Variants in SLC25A31 observed in about 807,000 individuals in gnomAD.
SLC25A31 encodes the protein ADP/ATP translocase 4.
In SLC25A31, 40 loss-of-function variants were observed where a neutral mutation model predicts 36.2. The observed-to-expected ratio is 1.10, with a 90% CI of 0.86 to 1.44. The LOEUF (loss-of-function observed/expected upper bound fraction) is 1.44. Among genes scored for constraint, SLC25A31 ranks in the 40% most tolerant of loss-of-function variants. SLC25A31 has a pLI of 0.00. For missense variants in SLC25A31, 350 were observed against 397.1 expected (o/e 0.88, Z 1.01); for synonymous variants, 143 against 149.7 (o/e 0.96, Z 0.32).
At chr4:127,742,893 A>G (rs925808679) in intron 1 of SLC25A31, among the ~76,000 whole-genome samples, 1 of 152,142 alleles carries the variant, frequency 6.6e-6, no homozygotes, top group Non-Finnish European at 1.5e-5. Flanking sequence ...ATTGGTTGTT[A>G]AGAGCATGTT....
chr4:127,767,413 C>G (rs927803175), intron 4 of SLC25A31, among the ~76,000 whole-genome samples, 193 bp downstream of exon 4: 4 of 152,112 alleles, frequency 2.6e-5, no homozygotes, highest in Non-Finnish European at 5.9e-5. Flanking sequence ...ATGGATCTGA[C>G]TTTAGTTATA....
chr4:127,768,307 T>C (rs1337919661), intron 4 of SLC25A31, among the ~76,000 whole-genome samples: 1 of 152,066 alleles, frequency 6.6e-6, no homozygotes, highest in Non-Finnish European at 1.5e-5. Context: ...AAAAAAGTTA[T>C]GTGTGTACTC....
At chr4:127,772,933 C>G (rs1004900694) in intron 5 of SLC25A31, among the ~76,000 whole-genome samples, 8 of 151,988 alleles carry the variant, frequency 5.3e-5, no homozygotes, top group Admixed American at 2.6e-4. Context: ...AGGCATGTGC[C>G]AGCACACCCA....
At chr4:127,767,499 C>T (rs747206597) in intron 4 of SLC25A31, among the ~76,000 whole-genome samples, 2 of 152,122 alleles carry the variant, frequency 1.3e-5, no homozygotes, top group Non-Finnish European at 2.9e-5. Context: ...ATTAAGCTTA[C>T]ATCATAATCA....
intron 2 of SLC25A31, among the ~76,000 whole-genome samples, chr4:127,761,275 G>T (rs1219642635): frequency 6.6e-6 from 1 of 151,832 alleles, no homozygotes; most frequent in East Asian, 1.9e-4. Context: ...GATTATCCAC[G>T]CCAAAAATCA....
intron 5 of SLC25A31, among the ~76,000 whole-genome samples, chr4:127,770,616 C>G (rs1471670797): frequency 6.6e-6 from 1 of 151,074 alleles, no homozygotes; most frequent in East Asian, 1.9e-4. Flanking sequence ...CAGAGCAAGA[C>G]TCTGTCTCAA....
intron 2 of SLC25A31, among the ~76,000 whole-genome samples, chr4:127,745,334 C>A (rs1731805783): frequency 6.6e-6 from 1 of 151,388 alleles, no homozygotes; most frequent in African/African-American, 2.4e-5. Flanking sequence ...GTAATTACTC[C>A]CTTGGTTACA....
At chr4:127,736,762 CAT>C (rs1283449973) in intron 1 of SLC25A31, among the ~76,000 whole-genome samples, 5 of 152,192 alleles carry the variant, frequency 3.3e-5, no homozygotes, top group Non-Finnish European at 1.5e-5. Context: ...AAATATTCAA[CAT>C]GTGTCTACAC....
intron 5 of SLC25A31, among the ~76,000 whole-genome samples, chr4:127,772,981 C>T (rs1474153323): frequency 6.6e-6 from 1 of 151,916 alleles, no homozygotes; most frequent in Non-Finnish European, 1.5e-5. Flanking sequence ...TGGCATTTTT[C>T]CATATTGCCC....
Position 127,764,236 on chromosome 4 carries a change from G to A in SLC25A31, c.361-7G>A. On this transcript the variant is annotated splice_region_variant and splice_polypyrimidine_tract_variant and intron_variant, in intron 2 of 5. Coordinates refer to ENST00000281154, the MANE Select transcript of SLC25A31 (RefSeq NM_031291.4). ...TTAATAACCACTTTTAAATTAATAT[G>A]TTTCAGTTCTGGAGGTGGTTTTTGG... 6.2e-7 allele frequency: 1 copy of A among 1,610,980 alleles called. No homozygotes were observed. The highest frequency in any genetic ancestry group is 8.5e-7 in the Non-Finnish European group (1 of 1,177,644).
intron 1 of SLC25A31, among the ~76,000 whole-genome samples, chr4:127,742,031 T>G (rs1301811963): frequency 6.6e-6 from 1 of 152,200 alleles, no homozygotes; most frequent in Non-Finnish European, 1.5e-5. Flanking sequence ...TTCTTAAGTC[T>G]AGCTAGAGGT....
intron 1 of SLC25A31, among the ~76,000 whole-genome samples, chr4:127,743,581 T>C (rs1731771483): frequency 6.6e-6 from 1 of 152,190 alleles, no homozygotes; most frequent in African/African-American, 2.4e-5. Context: ...GCTCAGTAAG[T>C]AGTAGTTGTT....
intron 2 of SLC25A31, among the ~76,000 whole-genome samples, chr4:127,753,756 C>T (rs1731979198): frequency 6.6e-6 from 1 of 152,012 alleles, no homozygotes; most frequent in African/African-American, 2.4e-5. Flanking sequence ...AATACCAGTC[C>T]TCCTCACAGT....
At chr4:127,752,923 C>A (rs1045155712) in intron 2 of SLC25A31, among the ~76,000 whole-genome samples, 1 of 152,130 alleles carries the variant, frequency 6.6e-6, no homozygotes, top group African/African-American at 2.4e-5. Context: ...AACATTCTAT[C>A]CAAAACCTGC....
intron 1 of SLC25A31, among the ~76,000 whole-genome samples, chr4:127,737,926 C>A (rs1578655944): frequency 7.2e-6 from 1 of 138,682 alleles, no homozygotes; most frequent in African/African-American, 2.7e-5. Context: ...AGAATTATAA[C>A]TAATAACTCC....
chr4:127,733,318 TC>T (rs1331494783), intron 1 of SLC25A31, among the ~76,000 whole-genome samples: 1 of 152,200 alleles, frequency 6.6e-6, no homozygotes, highest in African/African-American at 2.4e-5. Context: ...TTTAATTTTT[TC>T]AGATTTTAGA....
intron 2 of SLC25A31, among the ~76,000 whole-genome samples, chr4:127,758,384 T>C (rs1732069973): frequency 6.6e-6 from 1 of 152,244 alleles, no homozygotes; most frequent in Non-Finnish European, 1.5e-5. Context: ...TTCTGGATAT[T>C]AATCCTTTGT....
Position 127,730,662 on chromosome 4 carries a change from G to T in SLC25A31, c.117G>T (p.Ala39=), listed in dbSNP as rs1193922470. Residue 39 remains alanine (A), a synonymous_variant, in exon 1 of 6, where the codon GCG becomes GCT. Transcript: ENST00000281154. ...CAGCTGTGTCCAAGACAGCGGTGGC[G>T]CCCATCGAGCGGGTGAAGCTGCTGC... The part of the protein sequence containing the change: ...VAAAVSKTAV[A]PIERVKLLLQ... The T allele has an allele frequency of 6.2e-7, 1 of 1,613,882 alleles. No homozygotes were observed. Among genetic ancestry groups the T allele is most frequent in the East Asian group, 2.2e-5 (1 of 44,874 alleles).
At chr4:127,737,610 A>C (rs72616943) in intron 1 of SLC25A31, among the ~76,000 whole-genome samples, 4,512 of 151,464 alleles carry the variant, frequency 0.03, 293 homozygotes, top group East Asian at 0.26. Context: ...GCTGGACTGC[A>C]GGGCACAATC....
Sources: allele counts gnomAD v4.1 joint callset (sites outside exome capture counted in the v4.1 genomes callset), GRCh38; gene constraint gnomAD v4.1.1; transcripts MANE v1.5; gene names NCBI Gene and HGNC (gene_info 2026-07-23, HGNC 2026-07-21).